Variants in RAPGEF6 observed in about 807,000 individuals in gnomAD.
RAPGEF6 encodes the protein PDZ domain containing guanine nucleotide exchange factor (GEF) 2.
RAPGEF6 carries 56 observed loss-of-function variants against 171.4 expected under a neutral mutation model. The ratio of observed to expected loss-of-function variants is 0.33; its 90% CI spans 0.26 to 0.41. RAPGEF6 has a LOEUF of 0.41. Among genes scored for constraint, RAPGEF6 ranks in the 10% least tolerant of loss-of-function variants. The pLI is 1.00. For synonymous variants in RAPGEF6, 692 were observed against 650.1 expected (o/e 1.06, Z -0.98); for missense variants, 1,674 against 1,921.4 (o/e 0.87, Z 2.41).
rs985285191 is a variant in RAPGEF6, at chr5:131,424,665, T to C, written c.*2601A>G. The C allele has an allele frequency of 6.6e-6, 1 of 152,366 alleles. No individual in the cohort carries two copies. Among genetic ancestry groups the C allele is most frequent in the Middle Eastern group, 3.2e-3 (1 of 316 alleles). 9.4% of individuals were successfully genotyped at this position (152,366 alleles called of 1,614,324 possible). A position where few individuals can be genotyped will look rare whatever the true frequency, so the allele number is the denominator to read the frequency against. On this transcript the variant is annotated 3_prime_UTR_variant, in exon 28 of 28. Coordinates refer to ENST00000509018, the MANE Select transcript of RAPGEF6 (RefSeq NM_016340.6). ...AAAGGCTTTTTCTCCCCAAAGATCA[T>C]ATTGAAAGTAATCATTTGGAGTAAA...
chr5:131,518,871 C>T (rs1465676767), intron 7 of RAPGEF6, among the ~76,000 whole-genome samples: 2 of 151,990 alleles, frequency 1.3e-5, no homozygotes, highest in Non-Finnish European at 2.9e-5. Flanking sequence ...TTTTCATGCT[C>T]TCTAAATTCA....
chr5:131,596,666 A>G (rs1055236941), intron 3 of RAPGEF6, among the ~76,000 whole-genome samples: 1 of 152,154 alleles, frequency 6.6e-6, no homozygotes, highest in Non-Finnish European at 1.5e-5. Flanking sequence ...TGCCAAAGAC[A>G]CTTAGAAAAT....
chr5:131,572,687 C>CTCTACCT (rs945593500), intron 4 of RAPGEF6, among the ~76,000 whole-genome samples: 9 of 152,150 alleles, frequency 5.9e-5, no homozygotes, highest in African/African-American at 1.7e-4. Flanking sequence ...TTCTCCATGT[C>CTCTACCT]TCTACCTTCG....
In RAPGEF6 at chr5:131,635,220, A is replaced by C. The variant is rs1766569915; in HGVS notation, c.-190T>G. 1 of 573,920 alleles carries C rather than the reference A, an allele frequency of 1.7e-6. No individual in the cohort carries two copies. The highest frequency in any genetic ancestry group is 3.0e-6 in the Non-Finnish European group (1 of 333,692). The allele number at this position is 573,920 out of a possible 1,614,324, so 35.6% of individuals were successfully genotyped here. On this transcript the variant is annotated 5_prime_UTR_variant, in exon 1 of 28. Coordinates refer to ENST00000509018, the MANE Select transcript of RAPGEF6 (RefSeq NM_016340.6). ...CCTCTACCCACGCGCGACTGGCCGGAGACAAGTCTGCGCGGGGGCGGGGGA... is the reference window on the plus strand; with the variant it reads ...CCTCTACCCACGCGCGACTGGCCGGCGACAAGTCTGCGCGGGGGCGGGGGA...
chr5:131,437,457 G>A (rs1182320257), intron 24 of RAPGEF6, among the ~76,000 whole-genome samples: 1 of 152,196 alleles, frequency 6.6e-6, no homozygotes, highest in African/African-American at 2.4e-5. Context: ...GGAGTGTAAA[G>A]GTGTTCCTGA....
At chr5:131,462,442 T>C (rs1754002829) in intron 18 of RAPGEF6, among the ~76,000 whole-genome samples, 1 of 152,238 alleles carries the variant, frequency 6.6e-6, no homozygotes, top group Admixed American at 6.5e-5. Flanking sequence ...TAAATATTTG[T>C]TTATGAATAG....
chr5:131,595,841 A>G (rs951959825), intron 3 of RAPGEF6, among the ~76,000 whole-genome samples: 8 of 27,628 alleles, frequency 2.9e-4, no homozygotes, highest in African/African-American at 1.2e-3. Context: ...CCTCACTGTT[A>G]AAGACATAGA....
rs148105496 is a variant in RAPGEF6 at position 131,471,670 on chromosome 5, G to A, written c.2239+917C>T. Among the ~76,000 whole-genome samples the A allele has an allele frequency of 3.9e-5, 6 of 152,056 alleles. No homozygotes were observed. The East Asian group carries it at 1.2e-3, about 29-fold the overall frequency. ...GATATATAATTATTCAAAGTCGAAAGTTTTCTTCTTTGTAACAAAACTTTA... is the reference window on the plus strand; with the variant it reads ...GATATATAATTATTCAAAGTCGAAAATTTTCTTCTTTGTAACAAAACTTTA... On this transcript the variant is annotated intron_variant, in intron 17 of 27. Coordinates refer to ENST00000509018, the MANE Select transcript of RAPGEF6 (RefSeq NM_016340.6).
At chr5:131,495,742 C>T in intron 12 of RAPGEF6, 82 bp from the exon 13 acceptor site, 1 of 1,501,388 alleles carries the variant, frequency 6.7e-7, no homozygotes, top group Non-Finnish European at 8.9e-7. Flanking sequence ...ATGTCTAAAA[C>T]TCATGAAGAA....
intron 4 of RAPGEF6, among the ~76,000 whole-genome samples, chr5:131,575,249 C>T (rs550381886): frequency 6.6e-6 from 1 of 152,152 alleles, no homozygotes; most frequent in East Asian, 1.9e-4. Context: ...AGAGACAGCC[C>T]CCATTACTTT....
chr5:131,549,107 T>C (rs868020155), intron 5 of RAPGEF6, among the ~76,000 whole-genome samples: 2 of 152,148 alleles, frequency 1.3e-5, no homozygotes, highest in African/African-American at 4.8e-5. Context: ...AGGAGGAATA[T>C]AGACCTATCT....
At chr5:131,492,923 C>T (rs996994459) in intron 13 of RAPGEF6, 138 bp from the exon 14 acceptor site, 16 of 720,738 alleles carry the variant, frequency 2.2e-5, no homozygotes, top group African/African-American at 1.8e-4. Flanking sequence ...GAAGGGGGCA[C>T]TCCCACGCCA....
chr5:131,443,059 C>T (rs549678276), intron 22 of RAPGEF6, among the ~76,000 whole-genome samples: 12 of 152,034 alleles, frequency 7.9e-5, no homozygotes, highest in Non-Finnish European at 1.2e-4. Context: ...ATTCTCCTGC[C>T]TCAGCCTCCC....
intron 1 of RAPGEF6, 131 bp from the exon 2 acceptor site, chr5:131,604,824 C>G: frequency 8.7e-7 from 1 of 1,148,188 alleles, no homozygotes; most frequent in Non-Finnish European, 1.2e-6. Context: ...AATCATAAAA[C>G]CTCTGAATCA....
intron 16 of RAPGEF6, among the ~76,000 whole-genome samples, chr5:131,478,056 G>C (rs1755230812): frequency 6.6e-6 from 1 of 151,892 alleles, no homozygotes; most frequent in Non-Finnish European, 1.5e-5. Context: ...CAAAATTTTG[G>C]TATTTTAAAG....
Position 131,433,660 on chromosome 5 carries a change from T to G in RAPGEF6, c.3746-2A>C. Reference sequence around the variant, plus strand: ...TAGCTGATGGAATAAGTGTGTAACCTGAACAAGAAAAGAGCACTGATCAAA... The same window carrying G: ...TAGCTGATGGAATAAGTGTGTAACCGGAACAAGAAAAGAGCACTGATCAAA... On this transcript the variant is annotated splice_acceptor_variant, in intron 24 of 27. Coordinates refer to ENST00000509018, the MANE Select transcript of RAPGEF6 (RefSeq NM_016340.6). LOFTEE classifies it high-confidence loss of function. 2.5e-6 allele frequency: 4 copies of G among 1,592,642 alleles called. No individual in the cohort carries two copies. Among genetic ancestry groups the G allele is most frequent in the Non-Finnish European group, 3.4e-6 (4 of 1,161,714 alleles).
intron 15 of RAPGEF6, among the ~76,000 whole-genome samples, chr5:131,480,347 G>A (rs1052940416): frequency 4.6e-5 from 7 of 152,146 alleles, no homozygotes; most frequent in South Asian, 2.1e-4. Flanking sequence ...TGCATATACC[G>A]AGGGATAACT....
chr5:131,467,405 T>A (rs1003828552), intron 17 of RAPGEF6, among the ~76,000 whole-genome samples: 8 of 152,208 alleles, frequency 5.3e-5, no homozygotes, highest in Admixed American at 2.6e-4. Flanking sequence ...AAATGTCAAC[T>A]TGGAAAAGCA....
intron 14 of RAPGEF6, 100 bp from the exon 15 acceptor site, chr5:131,489,754 A>G: frequency 1.7e-6 from 1 of 602,490 alleles, no homozygotes; most frequent in South Asian, 2.6e-5. Context: ...AAACTTGAAT[A>G]AAATGTACTC....
Sources: gnomAD v4.1 joint callset for allele counts (sites outside exome capture counted in the v4.1 genomes callset) on GRCh38, gnomAD v4.1.1 for gene constraint, MANE v1.5 for transcripts, NCBI Gene and HGNC (gene_info 2026-07-23, HGNC 2026-07-21) for gene names.